The following TEAD1 variants were observed in gnomAD, a reference collection of about 807,000 sequenced individuals.
TEAD1 encodes the protein transcriptional enhancer factor TEF-1.
Under a neutral mutation model 54.9 loss-of-function variants are expected in TEAD1, and 9 were observed. The ratio of observed to expected loss-of-function variants is 0.16; its 90% confidence interval spans 0.10 to 0.29. The LOEUF (loss-of-function observed/expected upper bound fraction) is 0.29. Ranked by LOEUF, TEAD1 falls within the 10% of genes least tolerant of loss-of-function variation. The pLI is 1.00. For synonymous variants in TEAD1, 200 were observed against 187.8 expected (o/e 1.07, Z -0.53); for missense variants, 387 against 535.9 (o/e 0.72, Z 2.74).
chr11:12,912,692 A>G (rs1327008430), intron 10 of TEAD1, among the ~76,000 whole-genome samples: 1 of 152,148 alleles, frequency 6.6e-6, no homozygotes, highest in Non-Finnish European at 1.5e-5. Flanking sequence ...GAAAATGAGC[A>G]CAAGAGCTTA....
At chr11:12,717,173 G>T (rs1018717060) in intron 2 of TEAD1, among the ~76,000 whole-genome samples, 1 of 152,140 alleles carries the variant, frequency 6.6e-6, no homozygotes, top group Admixed American at 6.5e-5. Context: ...AGAGTGATTC[G>T]GGGCTAATAA....
At chr11:12,712,167 T>G (rs914959931) in intron 2 of TEAD1, among the ~76,000 whole-genome samples, 1 of 152,182 alleles carries the variant, frequency 6.6e-6, no homozygotes, top group Admixed American at 6.5e-5. Flanking sequence ...TCCTCAAATA[T>G]CTCCCTCTTC....
At chr11:12,771,545 A>G (rs1162591748) in intron 3 of TEAD1, among the ~76,000 whole-genome samples, 1 of 152,196 alleles carries the variant, frequency 6.6e-6, no homozygotes, top group Non-Finnish European at 1.5e-5. Context: ...GGATGGTGGT[A>G]CTGTTAAGCG....
At chr11:12,867,656 T>C (rs1416249481) in intron 5 of TEAD1, among the ~76,000 whole-genome samples, 2 of 152,214 alleles carry the variant, frequency 1.3e-5, no homozygotes, top group Non-Finnish European at 2.9e-5. Flanking sequence ...TGTTCAGCTC[T>C]GGAATCTAAT....
intron 2 of TEAD1, among the ~76,000 whole-genome samples, chr11:12,698,731 T>G (rs1276334426): frequency 1.3e-5 from 2 of 151,774 alleles, no homozygotes; most frequent in East Asian, 1.9e-4. Context: ...TAATATGAGA[T>G]CCCATCCCAG....
At chr11:12,786,379 T>C (rs1425111691) in intron 3 of TEAD1, among the ~76,000 whole-genome samples, 1 of 152,200 alleles carries the variant, frequency 6.6e-6, no homozygotes, top group African/African-American at 2.4e-5. Flanking sequence ...GCTGTGTCCT[T>C]GGACCTCTGC....
chr11:12,681,096 T>C (rs1179980533), intron 2 of TEAD1, among the ~76,000 whole-genome samples: 1 of 152,158 alleles, frequency 6.6e-6, no homozygotes, highest in Non-Finnish European at 1.5e-5. Context: ...GAGACAATGC[T>C]GGTTAGAGTT....
rs181505538 is a variant in TEAD1 at position 12,687,391 on chromosome 11, T to A, written c.-55+11830T>A. The stretch of plus-strand genomic sequence containing the variant: ...AGGAAGGGAAGGCTGACAGGCCAGG[T>A]TCTGTCTCAAGCCCATATAAGAGTT... On this transcript the variant is annotated intron_variant, in intron 2 of 12. Coordinates refer to ENST00000527636, the MANE Select transcript of TEAD1 (RefSeq NM_021961.6). Among the ~76,000 whole-genome samples, 38 of 152,290 alleles carry A rather than the reference T, an allele frequency of 2.5e-4. 2 individuals carry two copies. Among genetic ancestry groups the A allele is most frequent in the African/African-American group, 8.7e-4 (36 of 41,568 alleles).
intron 3 of TEAD1, among the ~76,000 whole-genome samples, chr11:12,785,139 C>T (rs1391720929): frequency 6.6e-6 from 1 of 152,196 alleles, no homozygotes; most frequent in Non-Finnish European, 1.5e-5. Context: ...TCCTGGTGGC[C>T]TGTGCCTGGG....
intron 2 of TEAD1, among the ~76,000 whole-genome samples, chr11:12,739,567 G>A (rs1944610739): frequency 6.6e-6 from 1 of 152,124 alleles, no homozygotes; most frequent in Non-Finnish European, 1.5e-5. Flanking sequence ...AATTCACTTA[G>A]CATAATCTCC....
intron 3 of TEAD1, 67 bp downstream of exon 3, chr11:12,764,501 C>T (rs1181291978): frequency 6.4e-7 from 1 of 1,568,416 alleles, no homozygotes; most frequent in Non-Finnish European, 8.8e-7. Flanking sequence ...TAGATTGTAG[C>T]TGGTCTTCCA....
Position 12,862,299 on chromosome 11 carries a change from G to A in TEAD1, c.252G>A (p.Thr84=), listed in dbSNP as rs144369913. The A allele has an allele frequency of 6.0e-5, 97 of 1,613,930 alleles. No homozygotes were observed. The Middle Eastern group carries it at 6.6e-4, about 11-fold the overall frequency. ...ACATCAAACTCAGGACAGGCAAGAC[G>A]AGGACCAGAAAACAGGTAAAATAAC... Residue 84 remains threonine (T), a synonymous_variant, in exon 4 of 13, where the codon ACG becomes ACA. Transcript: ENST00000527636.
At chr11:12,897,777 A>G (rs909092079) in intron 9 of TEAD1, among the ~76,000 whole-genome samples, 2 of 152,240 alleles carry the variant, frequency 1.3e-5, no homozygotes, top group African/African-American at 4.8e-5. Flanking sequence ...TTAACTTCAT[A>G]GAAGTTTTAA....
chr11:12,710,096 G>A (rs1284720721), intron 2 of TEAD1, among the ~76,000 whole-genome samples: 1 of 152,066 alleles, frequency 6.6e-6, no homozygotes, highest in Non-Finnish European at 1.5e-5. Flanking sequence ...GAAGGCTGAG[G>A]TAGGAGGGTC....
At chr11:12,876,445 C>T (rs1454772021) in intron 5 of TEAD1, among the ~76,000 whole-genome samples, 4 of 152,128 alleles carry the variant, frequency 2.6e-5, no homozygotes, top group African/African-American at 9.7e-5. Flanking sequence ...TTTGGGCAAG[C>T]AGAAGTGCCT....
intron 9 of TEAD1, among the ~76,000 whole-genome samples, chr11:12,890,445 C>A (rs539853197): frequency 6.6e-6 from 1 of 152,300 alleles, no homozygotes; most frequent in South Asian, 2.1e-4. Flanking sequence ...TATCTTTCAT[C>A]ATGCTCTAGT....
chr11:12,723,067 CA>C lies in TEAD1; in HGVS notation c.-54-41111del, dbSNP rs555406793. ...GGATTTTTTCCTTAGGGTGAATTCC[CA>C]GGAGCAGGATTTCTGGGTTAAAGGG... is the stretch of plus-strand genomic sequence containing the variant. On this transcript the variant is annotated intron_variant, in intron 2 of 12. Transcript: ENST00000527636. Among the ~76,000 whole-genome samples the C allele has an allele frequency of 5.6e-3, 858 of 151,920 alleles. 2 individuals carry two copies. Among genetic ancestry groups the C allele is most frequent in the Non-Finnish European group, 7.9e-3 (534 of 67,980 alleles).
At chr11:12,691,241 C>T (rs1291295228) in intron 2 of TEAD1, among the ~76,000 whole-genome samples, 2 of 152,098 alleles carry the variant, frequency 1.3e-5, no homozygotes, top group African/African-American at 4.8e-5. Context: ...CATCTTTGGC[C>T]AGTGGGAATT....
At chr11:12,830,225 G>C (rs1276433428) in intron 3 of TEAD1, among the ~76,000 whole-genome samples, 1 of 152,118 alleles carries the variant, frequency 6.6e-6, no homozygotes, top group African/African-American at 2.4e-5. Context: ...GAGTGGGCAA[G>C]ACCATGCCTC....
Sources: allele counts gnomAD v4.1 joint callset (sites outside exome capture counted in the v4.1 genomes callset), GRCh38; gene constraint gnomAD v4.1.1; transcripts MANE v1.5; gene names NCBI Gene and HGNC (gene_info 2026-07-23, HGNC 2026-07-21).